The following GALNT10 variants were observed in gnomAD, a reference collection of about 807,000 sequenced individuals.
The protein encoded by GALNT10 is polypeptide N-acetylgalactosaminyltransferase 10.
In GALNT10, 41 loss-of-function variants were observed where a neutral mutation model predicts 75.0. The observed-to-expected ratio is 0.55, with a 90% CI of 0.43 to 0.71. The LOEUF (loss-of-function observed/expected upper bound fraction) is 0.71, where lower values mean the gene tolerates loss of function less well. Among genes scored for constraint, GALNT10 ranks in the 30% least tolerant of loss-of-function variants. GALNT10 has a pLI of 0.00. For synonymous variants in GALNT10, 302 were observed against 313.0 expected, an observed-to-expected ratio of 0.96 and a Z score of 0.37; for missense variants, 727 against 818.5, an observed-to-expected ratio of 0.89 and a Z score of 1.36.
chr5:154,260,190 T>C (rs908141466), intron 1 of GALNT10, among the ~76,000 whole-genome samples: 2 of 152,014 alleles, frequency 1.3e-5, no homozygotes, highest in Admixed American at 6.5e-5. Context: ...TAGCAGAAAA[T>C]AAAAGAGAGA....
At chr5:154,301,570 T>C (rs563417936) in intron 3 of GALNT10, among the ~76,000 whole-genome samples, 2 of 151,248 alleles carry the variant, frequency 1.3e-5, no homozygotes, top group African/African-American at 4.8e-5. Context: ...TTGTTTTTTT[T>C]TTTTTTTGAG....
chr5:154,286,724 CCAGATTT>C (rs1253326352), intron 1 of GALNT10, among the ~76,000 whole-genome samples: 1 of 152,132 alleles, frequency 6.6e-6, no homozygotes, highest in Non-Finnish European at 1.5e-5. Context: ...TAGAGAAGGG[CCAGATTT>C]CAGATTTCAG....
intron 1 of GALNT10, among the ~76,000 whole-genome samples, chr5:154,195,943 A>C (rs1420338455): frequency 6.6e-6 from 1 of 151,854 alleles, no homozygotes; most frequent in Non-Finnish European, 1.5e-5. Context: ...TTTTTTTGAA[A>C]CGGAGTTTTG....
intron 3 of GALNT10, among the ~76,000 whole-genome samples, chr5:154,326,085 C>T (rs1455885252): frequency 6.7e-6 from 1 of 149,008 alleles, no homozygotes; most frequent in South Asian, 2.1e-4. Context: ...AAAAAAAAAA[C>T]CTGAAAGTAA....
chr5:154,314,444 C>T (rs1380005428), intron 3 of GALNT10, among the ~76,000 whole-genome samples: 1 of 152,146 alleles, frequency 6.6e-6, no homozygotes, highest in Non-Finnish European at 1.5e-5. Context: ...TCATTCTAGA[C>T]CTCAGTTTCC....
intron 1 of GALNT10, among the ~76,000 whole-genome samples, chr5:154,258,399 A>G (rs1753647848): frequency 6.6e-6 from 1 of 152,224 alleles, no homozygotes; most frequent in Non-Finnish European, 1.5e-5. Flanking sequence ...TTTTAAATGA[A>G]TAACATTAAA....
rs1215988113 is a variant in GALNT10, at chr5:154,413,030, G to C, written c.1503+25G>C. On this transcript the variant is annotated intron_variant, in intron 10 of 11. Transcript: ENST00000297107. ...GGTAAGGGCCGCCCCTCAGGGACTG[G>C]CAGCCAGGTTCTCTGAAACATCTGC... 5.6e-6 allele frequency: 8 copies of C among 1,438,786 alleles called. No individual in the cohort carries two copies. The East Asian group carries it at 1.8e-4, about 33-fold the overall frequency. The allele number at this position is 1,438,786 out of a possible 1,614,324, so 89.1% of individuals were successfully genotyped here. A position where few individuals can be genotyped will look rare whatever the true frequency, so the allele number is the denominator to read the frequency against.
chr5:154,394,333 A>C (rs1466702722), intron 7 of GALNT10, among the ~76,000 whole-genome samples: 2 of 137,224 alleles, frequency 1.5e-5, no homozygotes, highest in Non-Finnish European at 3.0e-5. Context: ...AAAAAAAAAA[A>C]AAAACTCTGA....
chr5:154,268,209 A>G (rs1427015796), intron 1 of GALNT10, among the ~76,000 whole-genome samples: 2 of 152,196 alleles, frequency 1.3e-5, no homozygotes, highest in African/African-American at 4.8e-5. Flanking sequence ...GCAAGTCCCT[A>G]CCCGTGAAGA....
At chr5:154,295,999 G>A (rs1465333229) in intron 2 of GALNT10, among the ~76,000 whole-genome samples, 2 of 152,214 alleles carry the variant, frequency 1.3e-5, no homozygotes, top group African/African-American at 2.4e-5. Context: ...TAGAGCTGGT[G>A]CAATAACTTA....
intron 1 of GALNT10, among the ~76,000 whole-genome samples, chr5:154,228,948 A>G (rs1376387205): frequency 4.6e-5 from 7 of 151,990 alleles, no homozygotes; most frequent in African/African-American, 1.7e-4. Context: ...TAAAAATGTG[A>G]TTTTGCTTTT....
chr5:154,205,306 G>T (rs190891270), intron 1 of GALNT10, among the ~76,000 whole-genome samples: 68 of 152,322 alleles, frequency 4.5e-4, no homozygotes, highest in African/African-American at 1.6e-3. Flanking sequence ...TCTGGATGAG[G>T]ATCCATTTGG....
chr5:154,294,364 T>C (rs1754243213), intron 1 of GALNT10, among the ~76,000 whole-genome samples: 1 of 152,188 alleles, frequency 6.6e-6, no homozygotes, highest in South Asian at 2.1e-4. Flanking sequence ...AAAAAGAATG[T>C]AAAATACCTT....
intron 2 of GALNT10, among the ~76,000 whole-genome samples, 184 bp from the exon 3 acceptor site, chr5:154,297,757 C>T (rs1301455190): frequency 1.3e-5 from 2 of 151,954 alleles, no homozygotes; most frequent in African/African-American, 4.8e-5. Context: ...ACAAGATGTG[C>T]AAAGTGTCTG....
chr5:154,307,542 C>A (rs1561656576), intron 3 of GALNT10, among the ~76,000 whole-genome samples: 2 of 151,666 alleles, frequency 1.3e-5, no homozygotes, highest in Non-Finnish European at 2.9e-5. Context: ...ATGGCGTGAA[C>A]CCAGGAGGTG....
chr5:154,300,164 G>C (rs563979971), intron 3 of GALNT10, among the ~76,000 whole-genome samples: 4 of 152,138 alleles, frequency 2.6e-5, no homozygotes, highest in Admixed American at 6.5e-5. Flanking sequence ...TGTAAGTCTA[G>C]ACTGTTTGTA....
intron 4 of GALNT10, chr5:154,347,042 C>G: frequency 2.5e-6 from 1 of 394,394 alleles, no homozygotes; most frequent in South Asian, 1.9e-5. Flanking sequence ...CATTGAAGAT[C>G]CCAAACTTAA....
At chr5:154,338,449 A>T (rs1331242872) in intron 4 of GALNT10, 1 of 313,112 alleles carries the variant, frequency 3.2e-6, no homozygotes, top group Non-Finnish European at 6.1e-6. Flanking sequence ...TCTGACTTAG[A>T]CATGATGGCA....
At chr5:154,335,951 C>T (rs533069349) in intron 4 of GALNT10, among the ~76,000 whole-genome samples, 1 of 152,304 alleles carries the variant, frequency 6.6e-6, no homozygotes, top group East Asian at 1.9e-4. Context: ...AGAGTAGTTT[C>T]ACTGCCCTAA....
Sources: gnomAD v4.1 joint callset for allele counts (sites outside exome capture counted in the v4.1 genomes callset) on GRCh38, gnomAD v4.1.1 for gene constraint, MANE v1.5 for transcripts, NCBI Gene and HGNC (gene_info 2026-07-23, HGNC 2026-07-21) for gene names.